WWTR1: variants seen among roughly 807,000 people sequenced by gnomAD.
The protein encoded by WWTR1 is WW domain-containing transcription regulator protein 1.
WWTR1 carries 13 observed loss-of-function variants against 40.1 expected under a neutral mutation model. The ratio of observed to expected loss-of-function variants is 0.32; its 90% CI spans 0.21 to 0.52. The LOEUF (loss-of-function observed/expected upper bound fraction) is 0.52. WWTR1 is among the 20% of genes least tolerant of loss of function. WWTR1 has a pLI of 0.97. For synonymous variants in WWTR1, 230 were observed against 210.1 expected (o/e 1.09, Z -0.82); for missense variants, 436 against 523.1 (o/e 0.83, Z 1.63).
chr3:149,656,474 T>C (rs1423796821), intron 2 of WWTR1, among the ~76,000 whole-genome samples: 1 of 151,942 alleles, frequency 6.6e-6, no homozygotes, highest in Non-Finnish European at 1.5e-5. Context: ...TCCCCAAGCT[T>C]CACAGCTTTT....
In WWTR1 at chr3:149,539,988, C is replaced by G. The variant is rs924571672; in HGVS notation, c.771+2347G>C. On this transcript the variant is annotated intron_variant, in intron 4 of 6. Coordinates refer to ENST00000360632, the MANE Select transcript of WWTR1 (RefSeq NM_015472.6). ...AAAAAATCTGCCATGATTAAAAAGT[C>G]TATTTAGACCTTTTCCTGTACTCCC... Among the ~76,000 whole-genome samples, 7 of 151,784 alleles carry G rather than the reference C, an allele frequency of 4.6e-5. No homozygotes were observed. In the South Asian group the frequency reaches 1.5e-3, roughly 32 times the overall value.
At chr3:149,649,285 CCCAGCCAAGTTCAAATGATTTCTAGT>C (rs775329926) in intron 2 of WWTR1, among the ~76,000 whole-genome samples, 27 of 152,214 alleles carry the variant, frequency 1.8e-4, no homozygotes, top group Admixed American at 2.6e-4. Context: ...AGCCACCGCG[CCCAGCCAAGTTCAAATGATTTCTAGT>C]TGTAAATTAG....
At chr3:149,640,567 T>C (rs943541863) in intron 2 of WWTR1, among the ~76,000 whole-genome samples, 4 of 152,080 alleles carry the variant, frequency 2.6e-5, no homozygotes, top group African/African-American at 9.7e-5. Flanking sequence ...ATAACAAGCA[T>C]GTGCCACCAC....
chr3:149,530,227 G>A lies in WWTR1; in HGVS notation c.772-2258C>T, dbSNP rs575308944. Among the ~76,000 whole-genome samples the A allele has an allele frequency of 3.2e-4, 48 of 152,008 alleles. 2 individuals carry two copies. The South Asian group carries it at 9.8e-3, about 31-fold the overall frequency. On this transcript the variant is annotated intron_variant, in intron 4 of 6. Coordinates refer to ENST00000360632, the MANE Select transcript of WWTR1 (RefSeq NM_015472.6). The stretch of plus-strand genomic sequence containing the variant: ...CCGGGTGTGGTGGCATGCACCTGTG[G>A]TCCCAGATACTCAGGAGGCTGAGGC...
rs549361134 is a variant in WWTR1 at position 149,594,340 on chromosome 3, A to AT, written c.432-21341dup. Among the ~76,000 whole-genome samples, 200 of 152,064 alleles carry AT rather than the reference A, an allele frequency of 1.3e-3. 2 individuals carry two copies. The highest frequency in any genetic ancestry group is 4.6e-3 in the African/African-American group (191 of 41,476). ...GACTGTAATTGATTTTTCTATGTCGATTTTTTTTAAATGGTGTACAATATT... is the reference window on the plus strand; with the variant it reads ...GACTGTAATTGATTTTTCTATGTCGATTTTTTTTTAAATGGTGTACAATATT... On this transcript the variant is annotated intron_variant, in intron 2 of 6. Transcript: ENST00000360632.
intron 2 of WWTR1, among the ~76,000 whole-genome samples, chr3:149,584,686 A>C (rs1738328875): frequency 6.6e-6 from 1 of 152,194 alleles, no homozygotes; most frequent in Non-Finnish European, 1.5e-5. Context: ...ATGTTTCTTT[A>C]CGTGTATTTC....
In WWTR1 at chr3:149,573,004, AAAG is replaced by A; in HGVS notation, c.432-7_432-5del. On this transcript the variant is annotated splice_region_variant and splice_polypyrimidine_tract_variant and intron_variant, in intron 2 of 6. Transcript: ENST00000360632. ...TGTGGTGATTTTTTCTATGTGACTA[AAAG>A]AAGGAAAACAATTAATTATCTTTTT... 1 of 1,583,738 alleles carries A rather than the reference AAAG, an allele frequency of 6.3e-7. No homozygotes were observed. The highest frequency in any genetic ancestry group is 8.5e-7 in the Non-Finnish European group (1 of 1,171,416).
chr3:149,517,271 TC>T lies in WWTR1; in HGVS notation c.*3533del, dbSNP rs1734829929. On this transcript the variant is annotated 3_prime_UTR_variant, in exon 7 of 7. Transcript: ENST00000360632. ...TTGTCTTTATTTTTCTTATACAGAT[TC>T]AGAGAAGTAAAAACCAGTACCAAAC... The T allele has an allele frequency of 1.3e-5, 2 of 152,200 alleles. No individual in the cohort carries two copies. The highest frequency in any genetic ancestry group is 4.8e-5 in the African/African-American group (2 of 41,452). The allele number at this position is 152,200 out of a possible 1,614,324, so 9.4% of individuals were successfully genotyped here.
chr3:149,555,820 G>A (rs554577761), intron 3 of WWTR1, among the ~76,000 whole-genome samples: 31 of 152,226 alleles, frequency 2.0e-4, no homozygotes, highest in East Asian at 3.9e-4. Context: ...CTGCCCTGTA[G>A]GAGATTATCG....
chr3:149,675,819 G>A (rs1576636469), intron 1 of WWTR1, among the ~76,000 whole-genome samples: 2 of 151,918 alleles, frequency 1.3e-5, no homozygotes, highest in African/African-American at 4.8e-5. Flanking sequence ...CAGGGGTCAC[G>A]CCATTCTCCT....
At chr3:149,630,934 G>T (rs979808791) in intron 2 of WWTR1, among the ~76,000 whole-genome samples, 5 of 152,154 alleles carry the variant, frequency 3.3e-5, no homozygotes, top group Non-Finnish European at 4.4e-5. Context: ...ATCTAATGAT[G>T]GAAAGGACAG....
intron 5 of WWTR1, among the ~76,000 whole-genome samples, chr3:149,714,319 G>A (rs1487770622): frequency 3.3e-5 from 5 of 151,878 alleles, no homozygotes; most frequent in Non-Finnish European, 7.4e-5. Flanking sequence ...GCCGAGCTGC[G>A]ACTGCAGAAC....
At chr3:149,622,875 G>C (rs1187217956) in intron 2 of WWTR1, among the ~76,000 whole-genome samples, 5 of 140,152 alleles carry the variant, frequency 3.6e-5, no homozygotes, top group African/African-American at 1.3e-4. Flanking sequence ...GGGTGACAGA[G>C]TGAGACCTTG....
At chr3:149,565,648 G>A (rs1052273552) in intron 3 of WWTR1, among the ~76,000 whole-genome samples, 6 of 151,942 alleles carry the variant, frequency 3.9e-5, no homozygotes, top group South Asian at 4.1e-4. Context: ...CCGGGTGCTC[G>A]TGCCTGTAAT....
At chr3:149,545,260 C>T (rs1186826320) in intron 3 of WWTR1, among the ~76,000 whole-genome samples, 1 of 152,078 alleles carries the variant, frequency 6.6e-6, no homozygotes, top group Non-Finnish European at 1.5e-5. Context: ...AAGACAAAAT[C>T]CAGACATCCA....
intron 2 of WWTR1, among the ~76,000 whole-genome samples, chr3:149,641,275 T>C (rs1712153511): frequency 6.6e-6 from 1 of 152,196 alleles, no homozygotes; most frequent in African/African-American, 2.4e-5. Context: ...TTATAATGCT[T>C]GTTTTCAGCA....
At chr3:149,660,258 G>A (rs1271771246), upstream of WWTR1, 1 of 152,186 alleles carries the variant, frequency 6.6e-6, no homozygotes, top group East Asian at 1.9e-4. Context: ...CTGACTTGAT[G>A]ATTAAAAGAT....
intron 3 of WWTR1, among the ~76,000 whole-genome samples, chr3:149,571,169 G>A (rs946482305): frequency 2.0e-4 from 30 of 150,030 alleles, no homozygotes; most frequent in African/African-American, 7.1e-4. Flanking sequence ...CTTGGGGACT[G>A]AGGAAAGGGA....
chr3:149,542,762 G>A (rs557884102), intron 3 of WWTR1, among the ~76,000 whole-genome samples: 2 of 152,208 alleles, frequency 1.3e-5, no homozygotes, highest in East Asian at 1.9e-4. Context: ...TTTTGTTTCT[G>A]TTAAAATCTC....
Sources: gnomAD v4.1 joint callset for allele counts (sites outside exome capture counted in the v4.1 genomes callset) on GRCh38, gnomAD v4.1.1 for gene constraint, MANE v1.5 for transcripts, NCBI Gene and HGNC (gene_info 2026-07-23, HGNC 2026-07-21) for gene names.